EED: variants seen among roughly 807,000 people sequenced by gnomAD.
EED encodes the protein embryonic ectoderm development, also known as polycomb protein EED.
A neutral mutation model predicts 61.0 loss-of-function variants in EED; 9 were observed. The observed-to-expected ratio is 0.15, with a 90% CI of 0.09 to 0.26. The LOEUF (loss-of-function observed/expected upper bound fraction) is 0.26, where lower values mean the gene tolerates loss of function less well. Ranked by LOEUF, EED falls within the 10% of genes least tolerant of loss-of-function variation. The pLI, the probability that EED is intolerant of heterozygous loss-of-function variation, is 1.00. For synonymous variants in EED, 187 were observed against 174.4 expected (o/e 1.07, Z -0.57); for missense variants, 315 against 542.3 (o/e 0.58, Z 4.16).
At chr11:86,256,224 T>C (rs1165475054) in intron 4 of EED, among the ~76,000 whole-genome samples, 163 bp from the exon 5 acceptor site, 2 of 152,240 alleles carry the variant, frequency 1.3e-5, no homozygotes, top group Non-Finnish European at 1.5e-5. Flanking sequence ...TCATTTGTTA[T>C]GGATTTTAGA....
intron 7 of EED, 144 bp downstream of exon 7, chr11:86,264,407 C>T (rs908526979): frequency 2.9e-5 from 16 of 542,894 alleles, no homozygotes; most frequent in Middle Eastern, 2.9e-4. Context: ...AGATTTTAAT[C>T]TCCAGATGAA....
At chr11:86,246,288 A>C (rs1174449567) in intron 1 of EED, among the ~76,000 whole-genome samples, 1 of 152,266 alleles carries the variant, frequency 6.6e-6, no homozygotes, top group South Asian at 2.1e-4. Flanking sequence ...ATTCAAAGAT[A>C]CTACTCCAAA....
intron 1 of EED, 128 bp downstream of exon 1, chr11:86,245,471 G>T (rs947154932): frequency 5.1e-6 from 4 of 782,640 alleles, no homozygotes; most frequent in Middle Eastern, 3.2e-4. Flanking sequence ...AAACGCGGGC[G>T]TGCGGGAGAA....
intron 6 of EED, among the ~76,000 whole-genome samples, chr11:86,263,241 C>T (rs1945883177): frequency 6.6e-6 from 1 of 152,168 alleles, no homozygotes; most frequent in Non-Finnish European, 1.5e-5. Context: ...TTAAGTAATC[C>T]TTAAGAAGAT....
chr11:86,274,676 G>T (rs1946189074), intron 9 of EED, among the ~76,000 whole-genome samples: 1 of 152,160 alleles, frequency 6.6e-6, no homozygotes, highest in African/African-American at 2.4e-5. Context: ...GAAGGGCCAG[G>T]ATGCCTAATT....
intron 1 of EED, among the ~76,000 whole-genome samples, chr11:86,247,141 AC>A (rs1269501650): frequency 2.6e-5 from 4 of 152,220 alleles, no homozygotes; most frequent in Admixed American, 1.3e-4. Flanking sequence ...CTTCTTGCAG[AC>A]CCTTACAGGA....
chr11:86,265,241 GT>G (rs1945946069), intron 7 of EED: 1 of 152,124 alleles, frequency 6.6e-6, no homozygotes, highest in African/African-American at 2.4e-5. Flanking sequence ...TTATAAAATG[GT>G]GCTCATAATT....
At chr11:86,259,900 G>T (rs1021359341) in intron 6 of EED, among the ~76,000 whole-genome samples, 3 of 152,298 alleles carry the variant, frequency 2.0e-5, no homozygotes, top group Admixed American at 1.3e-4. Flanking sequence ...GACACTGCTG[G>T]TGGGAATGTA....
intron 1 of EED, among the ~76,000 whole-genome samples, chr11:86,247,159 A>C (rs904217040): frequency 1.3e-5 from 2 of 152,210 alleles, no homozygotes; most frequent in Non-Finnish European, 2.9e-5. Flanking sequence ...AGGAAAACAT[A>C]TTCTTTGCTG....
chr11:86,253,893 C>G (rs1485085877), intron 3 of EED, among the ~76,000 whole-genome samples: 4 of 151,058 alleles, frequency 2.6e-5, no homozygotes, highest in African/African-American at 9.7e-5. Context: ...ACTAAAAACA[C>G]AAAAATTAGC....
At chr11:86,263,635 C>T (rs1316540205) in intron 6 of EED, among the ~76,000 whole-genome samples, 1 of 152,158 alleles carries the variant, frequency 6.6e-6, no homozygotes, top group Non-Finnish European at 1.5e-5. Flanking sequence ...CCCATCTTGG[C>T]CTTCTGAAGT....
Position 86,264,263 on chromosome 11 carries a change from T to C in EED, c.726T>C (p.Ala242=), listed in dbSNP as rs372966988. The change falls in exon 7 of 12, where the codon GCT becomes GCC. Residue 242 remains alanine (A), a splice_region_variant and synonymous_variant. Transcript: ENST00000263360. ...GGCACAGAGATGAAGTTCTAAGTGC[T>C]GTAAGTTGGAAACTGCAGGGCAATG... is the stretch of plus-strand genomic sequence containing the variant. ...VEGHRDEVLS[A]DYDLLGEKIM... The C allele has an allele frequency of 2.7e-5, 44 of 1,611,808 alleles. No individual in the cohort carries two copies. The highest frequency in any genetic ancestry group is 3.3e-4 in the Middle Eastern group (2 of 6,074).
intron 9 of EED, among the ~76,000 whole-genome samples, chr11:86,274,004 C>T (rs1206569967): frequency 6.6e-6 from 1 of 151,944 alleles, no homozygotes; most frequent in African/African-American, 2.4e-5. Context: ...TCAGCCATTA[C>T]TCAAATTGTT....
chr11:86,258,555 G>GTT (rs563888569), intron 6 of EED, among the ~76,000 whole-genome samples: 67 of 130,838 alleles, frequency 5.1e-4, no homozygotes, highest in African/African-American at 1.0e-3. Context: ...TTGTTTTTTG[G>GTT]TTTTTTTTTT....
downstream of EED, among the ~76,000 whole-genome samples, chr11:86,281,755 AGTGATCCATTCCT>A (rs1273100091): frequency 2.0e-5 from 3 of 152,298 alleles, no homozygotes; most frequent in East Asian, 5.8e-4. Context: ...CCTGGGTCCA[AGTGATCCATTCCT>A]GCCCCAGCTT....
At chr11:86,251,648 A>G (rs955201856) in intron 2 of EED, among the ~76,000 whole-genome samples, 1 of 152,202 alleles carries the variant, frequency 6.6e-6, no homozygotes, top group African/African-American at 2.4e-5. Context: ...CCCAGTGTTC[A>G]GATATTCTCA....
At chr11:86,283,712 A>G (rs1439632188), downstream of EED, among the ~76,000 whole-genome samples, 1 of 152,230 alleles carries the variant, frequency 6.6e-6, no homozygotes, top group Non-Finnish European at 1.5e-5. Flanking sequence ...TCACAGCTGA[A>G]TAGAAATTAG....
downstream of EED, among the ~76,000 whole-genome samples, chr11:86,280,682 C>T (rs1361869000): frequency 6.6e-6 from 1 of 152,170 alleles, no homozygotes; most frequent in Non-Finnish European, 1.5e-5. Context: ...CAATGTGATG[C>T]TTCATACATG....
intron 8 of EED, chr11:86,268,215 T>G: frequency 3.0e-6 from 1 of 329,498 alleles, no homozygotes. Flanking sequence ...ACAATGTTTA[T>G]AAACAAAGTA....
Sources: gnomAD v4.1 joint callset for allele counts (sites outside exome capture counted in the v4.1 genomes callset) on GRCh38, gnomAD v4.1.1 for gene constraint, MANE v1.5 for transcripts, NCBI Gene and HGNC (gene_info 2026-07-23, HGNC 2026-07-21) for gene names.